The following MS4A18 variants were observed in gnomAD, a reference collection of about 807,000 sequenced individuals.
MS4A18 encodes the protein membrane spanning 4-domains A18, also known as membrane-spanning 4-domains subfamily A member 18.
A neutral mutation model predicts 13.1 loss-of-function variants in MS4A18; 27 were observed. That is an observed-to-expected ratio of 2.06 (90% CI 1.52 to 2.84). MS4A18 has a LOEUF of 2.84. MS4A18 is among the 30% of genes most tolerant of loss of function. The pLI, the probability that MS4A18 is intolerant of heterozygous loss-of-function variation, is 0.00. For missense variants in MS4A18, 307 were observed against 196.4 expected (o/e 1.56, Z -3.37); for synonymous variants, 126 against 76.5 (o/e 1.65, Z -3.38).
At chr11:60,730,266 G>A (rs954332956) in intron 1 of MS4A18, among the ~76,000 whole-genome samples, 1 of 152,174 alleles carries the variant, frequency 6.6e-6, no homozygotes, top group African/African-American at 2.4e-5. Flanking sequence ...AATCAAGGGG[G>A]CCTCTGCCTC....
intron 5 of MS4A18, among the ~76,000 whole-genome samples, 160 bp downstream of exon 6, chr11:60,741,303 G>A (rs370681235): frequency 2.6e-4 from 39 of 152,264 alleles, no homozygotes; most frequent in African/African-American, 7.9e-4. Context: ...AGTGACTTCC[G>A]GTTATTTAGC....
chr11:60,725,543 C>T (rs1035212810), upstream of MS4A18, among the ~76,000 whole-genome samples: 6 of 152,110 alleles, frequency 3.9e-5, no homozygotes, highest in African/African-American at 7.2e-5. Context: ...AGGAACATCC[C>T]TCATAGGGCC....
chr11:60,729,524 C>G (rs1356315771), exon 1 of MS4A18: 1 of 702,668 alleles, frequency 1.4e-6, no homozygotes. Context: ...CAGAACTCAG[C>G]AGCAGGTGTA....
exon 6 of MS4A18, chr11:60,743,735 A>G (rs756133543): frequency 2.8e-5 from 20 of 702,716 alleles, no homozygotes; most frequent in Non-Finnish European, 4.7e-5. Flanking sequence ...GGTCCTGTCA[A>G]TGCTGCCACT....
intron 4 of MS4A18, 83 bp downstream of exon 5, chr11:60,739,080 T>C (rs1853382149): frequency 3.0e-6 from 2 of 673,436 alleles, no homozygotes; most frequent in Admixed American, 2.2e-5. Flanking sequence ...AGAATGGAAT[T>C]GCCCCAGAAT....
chr11:60,742,747 C>A (rs1013093186), intron 5 of MS4A18, among the ~76,000 whole-genome samples: 6 of 152,196 alleles, frequency 3.9e-5, no homozygotes, highest in African/African-American at 1.4e-4. Context: ...AAGTCCTGGG[C>A]TCTCTTCTTT....
At chr11:60,735,642 A>C (rs1466655473) in intron 2 of MS4A18, among the ~76,000 whole-genome samples, 2 of 128,490 alleles carry the variant, frequency 1.6e-5, no homozygotes, top group African/African-American at 3.0e-5. Flanking sequence ...TGGCCGATTT[A>C]ATGTTTTTCA....
Position 60,743,637 on chromosome 11 carries a change from C to T in MS4A18, c.859-13C>T. 4.3e-6 allele frequency: 3 copies of T among 701,320 alleles called. No individual in the cohort carries two copies. Among genetic ancestry groups the T allele is most frequent in the Non-Finnish European group, 5.2e-6 (2 of 383,932 alleles). The allele number at this position is 701,320 out of a possible 1,614,324, so 43.4% of individuals were successfully genotyped here. On this transcript the variant is annotated splice_polypyrimidine_tract_variant and intron_variant, in intron 5 of 5. Transcript: ENST00000529108. ...CAGAGGAAGATGACGACCACATGTC[C>T]TTTGTCTTTCAGAATGTGGCAGTGA...
intron 5 of MS4A18, among the ~76,000 whole-genome samples, chr11:60,742,893 A>G (rs559952147): frequency 2.3e-4 from 35 of 152,178 alleles, no homozygotes; most frequent in Non-Finnish European, 2.8e-4. Flanking sequence ...GCCAAATCCA[A>G]AAGTTATTAG....
chr11:60,735,047 C>T (rs1030698937), intron 2 of MS4A18, among the ~76,000 whole-genome samples: 5 of 151,932 alleles, frequency 3.3e-5, no homozygotes, highest in African/African-American at 7.3e-5. Context: ...CTTCCTAAAG[C>T]GCTGGGATTA....
intron 1 of MS4A18, 114 bp from the exon 3 acceptor site, chr11:60,733,420 C>T: frequency 1.5e-6 from 1 of 670,898 alleles, no homozygotes; most frequent in East Asian, 2.7e-5. Flanking sequence ...GGATGAGCCC[C>T]CAACACCAAT....
downstream of MS4A18, chr11:60,744,297 G>C (rs987792646): frequency 9.1e-6 from 3 of 328,522 alleles, no homozygotes; most frequent in Admixed American, 4.7e-5. Context: ...TTGAAAAACC[G>C]GTTCTAAATC....
chr11:60,725,395 C>T (rs567833844), upstream of MS4A18, among the ~76,000 whole-genome samples: 4 of 152,190 alleles, frequency 2.6e-5, no homozygotes, highest in African/African-American at 7.2e-5. Context: ...AGGGTTTCAC[C>T]GTGTTAACCA....
downstream of MS4A18, among the ~76,000 whole-genome samples, chr11:60,744,627 A>G (rs762631604): frequency 1.3e-5 from 2 of 152,236 alleles, no homozygotes; most frequent in Non-Finnish European, 2.9e-5. Flanking sequence ...CTGACAAAGG[A>G]CATGTTTCCA....
chr11:60,744,309 G>A (rs1368231956), downstream of MS4A18: 2 of 300,932 alleles, frequency 6.6e-6, no homozygotes, highest in East Asian at 1.6e-4. Context: ...TTCTAAATCG[G>A]TGCCTCAGCC....
upstream of MS4A18, among the ~76,000 whole-genome samples, chr11:60,729,133 G>A (rs149073723): frequency 4.3e-4 from 66 of 152,316 alleles, 1 homozygote; most frequent in Non-Finnish European, 7.1e-4. Context: ...ATCCAAATCC[G>A]TAAAAGGAAA....
At chr11:60,727,887 G>A (rs1157320097), upstream of MS4A18, among the ~76,000 whole-genome samples, 1 of 152,168 alleles carries the variant, frequency 6.6e-6, no homozygotes, top group East Asian at 1.9e-4. Flanking sequence ...AATTCTCTAA[G>A]TCCAGCTTAT....
At chr11:60,744,510 G>GA (rs1191747173), downstream of MS4A18, among the ~76,000 whole-genome samples, 2 of 151,968 alleles carry the variant, frequency 1.3e-5, no homozygotes, top group East Asian at 1.9e-4. Context: ...TTCACAAAAG[G>GA]AAAAAAATCA....
intron 4 of MS4A18, among the ~76,000 whole-genome samples, 200 bp downstream of exon 5, chr11:60,739,197 T>G (rs1853383038): frequency 6.6e-6 from 1 of 152,116 alleles, no homozygotes; most frequent in Non-Finnish European, 1.5e-5. Context: ...GTGAGGACAC[T>G]GAGACTCAGA....
Sources: gnomAD v4.1 joint callset for allele counts (sites outside exome capture counted in the v4.1 genomes callset) on GRCh38, gnomAD v4.1.1 for gene constraint, MANE v1.5 for transcripts, NCBI Gene and HGNC (gene_info 2026-07-23, HGNC 2026-07-21) for gene names.